SLC16A10: variants seen among roughly 807,000 people sequenced by gnomAD.
The protein encoded by SLC16A10 is monocarboxylate transporter 10.
In SLC16A10, 27 loss-of-function variants were observed where a neutral mutation model predicts 40.0. That is an observed-to-expected ratio of 0.67 (90% CI 0.50 to 0.93). The LOEUF (loss-of-function observed/expected upper bound fraction) is 0.93. SLC16A10 is among the 40% of genes least tolerant of loss of function. The pLI, the probability that SLC16A10 is intolerant of heterozygous loss-of-function variation, is 0.00. For synonymous variants in SLC16A10, 213 were observed against 249.8 expected (o/e 0.85, Z 1.39); for missense variants, 529 against 658.2 (o/e 0.80, Z 2.15).
chr6:111,165,449 CAT>C (rs1772455219), intron 1 of SLC16A10, among the ~76,000 whole-genome samples: 1 of 152,172 alleles, frequency 6.6e-6, no homozygotes, highest in Admixed American at 6.5e-5. Context: ...AAGAGGAAAA[CAT>C]AGAGGCCTTT....
intron 1 of SLC16A10, among the ~76,000 whole-genome samples, chr6:111,116,782 C>T (rs184923785): frequency 3.9e-5 from 6 of 152,200 alleles, no homozygotes; most frequent in African/African-American, 1.4e-4. Flanking sequence ...TTTCTCCCCC[C>T]ACTATTGGTA....
chr6:111,180,342 A>C (rs1190717225), intron 3 of SLC16A10, among the ~76,000 whole-genome samples: 1 of 152,194 alleles, frequency 6.6e-6, no homozygotes, highest in Non-Finnish European at 1.5e-5. Context: ...CCAGCAGTTC[A>C]AGACCAGCTT....
chr6:111,143,149 G>T (rs1772013962), intron 1 of SLC16A10, among the ~76,000 whole-genome samples: 1 of 152,104 alleles, frequency 6.6e-6, no homozygotes, highest in African/African-American at 2.4e-5. Context: ...GCACAATTAT[G>T]GCTCACTGTT....
chr6:111,126,297 G>A (rs1208456225), intron 1 of SLC16A10, among the ~76,000 whole-genome samples: 2 of 152,014 alleles, frequency 1.3e-5, no homozygotes, highest in African/African-American at 4.8e-5. Context: ...GAGCCATTGG[G>A]GTTGGTGTTT....
chr6:111,178,700 T>C (rs575871838), intron 3 of SLC16A10: 1 of 217,858 alleles, frequency 4.6e-6, no homozygotes, highest in East Asian at 1.6e-4. Context: ...AAAAATGGCA[T>C]TGGCACACAT....
chr6:111,156,075 G>A (rs1398439520), intron 1 of SLC16A10, among the ~76,000 whole-genome samples: 1 of 152,186 alleles, frequency 6.6e-6, no homozygotes, highest in Admixed American at 6.5e-5. Flanking sequence ...CCATGTGAAA[G>A]AGTTTGCAAT....
intron 3 of SLC16A10, among the ~76,000 whole-genome samples, chr6:111,184,992 A>G (rs1772868683): frequency 6.6e-6 from 1 of 152,178 alleles, no homozygotes; most frequent in Non-Finnish European, 1.5e-5. Context: ...AGCCAGAGCT[A>G]AGGGCGCTGA....
At chr6:111,209,264 T>C (rs957437597) in intron 4 of SLC16A10, among the ~76,000 whole-genome samples, 2 of 152,036 alleles carry the variant, frequency 1.3e-5, no homozygotes, top group Non-Finnish European at 2.9e-5. Context: ...ATTAAAGTAG[T>C]CTAGGCATCT....
At chr6:111,174,625 T>G (rs1007211111) in intron 2 of SLC16A10, among the ~76,000 whole-genome samples, 3 of 152,182 alleles carry the variant, frequency 2.0e-5, no homozygotes, top group African/African-American at 7.2e-5. Flanking sequence ...CAACATAATA[T>G]TTACATTATT....
chr6:111,105,603 C>G (rs1177719340), intron 1 of SLC16A10, among the ~76,000 whole-genome samples: 1 of 152,230 alleles, frequency 6.6e-6, no homozygotes, highest in Admixed American at 6.5e-5. Context: ...TGGCCACACA[C>G]AAGTGTGTTT....
intron 1 of SLC16A10, among the ~76,000 whole-genome samples, chr6:111,147,590 A>G (rs1162656395): frequency 6.6e-6 from 1 of 152,206 alleles, no homozygotes; most frequent in East Asian, 1.9e-4. Context: ...TTGGAAATGA[A>G]ACCTCACTAT....
chr6:111,117,375 AAG>A (rs1187579865), intron 1 of SLC16A10, among the ~76,000 whole-genome samples: 35 of 137,962 alleles, frequency 2.5e-4, no homozygotes, highest in Non-Finnish European at 4.4e-4. Context: ...AAAAAAAAAA[AAG>A]TGGGAGGGTC....
intron 1 of SLC16A10, among the ~76,000 whole-genome samples, chr6:111,109,265 G>A (rs1289355186): frequency 6.6e-6 from 1 of 152,036 alleles, no homozygotes; most frequent in African/African-American, 2.4e-5. Context: ...CTGAAAACTT[G>A]ATCTGCTTTC....
chr6:111,221,482 A>C (rs768041899), intron 5 of SLC16A10, among the ~76,000 whole-genome samples: 1 of 152,194 alleles, frequency 6.6e-6, no homozygotes, highest in Non-Finnish European at 1.5e-5. Flanking sequence ...ATGGTGGCTC[A>C]TGCCTGTAAT....
intron 1 of SLC16A10, among the ~76,000 whole-genome samples, chr6:111,166,452 A>T (rs1772475334): frequency 6.9e-6 from 1 of 145,792 alleles, no homozygotes; most frequent in African/African-American, 2.5e-5. Flanking sequence ...CCACAAACAG[A>T]AGTTGATTAG....
intron 1 of SLC16A10, among the ~76,000 whole-genome samples, chr6:111,106,012 A>G (rs1307031503): frequency 6.6e-6 from 1 of 152,244 alleles, no homozygotes; most frequent in African/African-American, 2.4e-5. Flanking sequence ...TCTGTATTAA[A>G]GCAAAAGTCA....
intron 1 of SLC16A10, among the ~76,000 whole-genome samples, chr6:111,100,986 CTCTCTCTATATATA>C (rs1226934659): frequency 0.01 from 916 of 89,294 alleles, 7 homozygotes; most frequent in African/African-American, 0.034. Context: ...CTCTCTCTCT[CTCTCTCTATATATA>C]TATATATATA....
chr6:111,148,701 T>G (rs1281678447), intron 1 of SLC16A10, among the ~76,000 whole-genome samples: 1 of 152,248 alleles, frequency 6.6e-6, no homozygotes, highest in Non-Finnish European at 1.5e-5. Flanking sequence ...CAGTGAACAA[T>G]GTATGCTCTA....
chr6:111,219,610 G>GA (rs1770850670), intron 5 of SLC16A10, among the ~76,000 whole-genome samples: 1 of 151,166 alleles, frequency 6.6e-6, no homozygotes, highest in Non-Finnish European at 1.5e-5. Flanking sequence ...AGTAGTTGAT[G>GA]AAAAATAACA....
Sources: gnomAD v4.1 joint callset for allele counts (sites outside exome capture counted in the v4.1 genomes callset) on GRCh38, gnomAD v4.1.1 for gene constraint, MANE v1.5 for transcripts, NCBI Gene and HGNC (gene_info 2026-07-23, HGNC 2026-07-21) for gene names.